CRTC3: variants seen among roughly 807,000 people sequenced by gnomAD.
CRTC3 encodes CREB-regulated transcription coactivator 3.
In CRTC3, 26 loss-of-function variants were observed where a neutral mutation model predicts 74.5. The ratio of observed to expected loss-of-function variants is 0.35; its 90% CI spans 0.26 to 0.48. CRTC3 has a LOEUF of 0.48. Ranked by LOEUF, CRTC3 falls within the 20% of genes least tolerant of loss-of-function variation. The probability of loss-of-function intolerance (pLI) is 0.99; values close to 1 mark genes in which losing one functional copy is unlikely to be tolerated. For missense variants in CRTC3, 760 were observed against 787.3 expected (o/e 0.97, Z 0.41); for synonymous variants, 377 against 325.8 (o/e 1.16, Z -1.69).
intron 9 of CRTC3, chr15:90,624,900 A>T (rs1968777216): frequency 6.6e-6 from 1 of 152,638 alleles, no homozygotes; most frequent in Admixed American, 6.5e-5. Flanking sequence ...TTGGCTGCAT[A>T]GGCTGGGATA....
chr15:90,610,104 A>G (rs765233538), intron 6 of CRTC3, among the ~76,000 whole-genome samples: 2 of 152,236 alleles, frequency 1.3e-5, no homozygotes, highest in Non-Finnish European at 2.9e-5. Flanking sequence ...CTGGAGAATT[A>G]TATTTGTTGG....
At chr15:90,550,255 C>T (rs1203339271) in intron 2 of CRTC3, among the ~76,000 whole-genome samples, 2 of 151,386 alleles carry the variant, frequency 1.3e-5, no homozygotes, top group Non-Finnish European at 2.9e-5. Context: ...ATGGAGAAAC[C>T]CCGTCTCTAC....
chr15:90,551,068 C>A (rs1479571770), intron 2 of CRTC3, among the ~76,000 whole-genome samples: 1 of 152,116 alleles, frequency 6.6e-6, no homozygotes, highest in African/African-American at 2.4e-5. Context: ...TTTCTTCATG[C>A]CATCTGGACA....
rs746359288 is a variant in CRTC3 at position 90,638,833 on chromosome 15, C to T, written c.1548+18C>T. ...CTCAACAGGTGGGTGATCGCCCCTG[C>T]CTTCTCCTCCCTTGGTGCATAAACT... On this transcript the variant is annotated intron_variant, in intron 13 of 14. Coordinates refer to ENST00000268184, the MANE Select transcript of CRTC3 (RefSeq NM_022769.5). 5.0e-6 allele frequency: 8 copies of T among 1,592,330 alleles called. No homozygotes were observed. In the African/African-American group the frequency reaches 9.4e-5, roughly 19 times the overall value.
At chr15:90,626,022 G>T in intron 10 of CRTC3, 29 bp downstream of exon 10, 1 of 1,583,098 alleles carries the variant, frequency 6.3e-7, no homozygotes. Context: ...GCAGTGACCT[G>T]GTGGCTTAAT....
chr15:90,581,857 A>G (rs541303577), intron 2 of CRTC3, among the ~76,000 whole-genome samples: 1 of 152,160 alleles, frequency 6.6e-6, no homozygotes, highest in African/African-American at 2.4e-5. Flanking sequence ...GGGTGAAAGG[A>G]GGGAGTCGGC....
At chr15:90,612,427 T>G (rs1449589576) in intron 6 of CRTC3, among the ~76,000 whole-genome samples, 1 of 151,954 alleles carries the variant, frequency 6.6e-6, no homozygotes, top group Non-Finnish European at 1.5e-5. Context: ...AAGCCTTCCT[T>G]CTGTTCCAGT....
At chr15:90,577,304 G>A (rs1285266679) in intron 2 of CRTC3, among the ~76,000 whole-genome samples, 2 of 152,196 alleles carry the variant, frequency 1.3e-5, no homozygotes, top group East Asian at 1.9e-4. Context: ...GTTCTTTGAG[G>A]ACCAAGTAAT....
rs1050360522 is a variant in CRTC3 at position 90,644,732 on chromosome 15, A to G, written c.*2592A>G. On this transcript the variant is annotated 3_prime_UTR_variant, in exon 15 of 15. Transcript: ENST00000268184. ...ACCACGGGCAGGGTCGCCCTGGCCCACAGCACGTGAGCCTGCACTCACTGC... is the reference window on the plus strand; with the variant it reads ...ACCACGGGCAGGGTCGCCCTGGCCCGCAGCACGTGAGCCTGCACTCACTGC... 7 of 232,574 alleles carry G rather than the reference A, an allele frequency of 3.0e-5. No homozygotes were observed. Among genetic ancestry groups the G allele is most frequent in the African/African-American group, 8.8e-5 (4 of 45,330 alleles). The allele number at this position is 232,574 out of a possible 1,614,324, so 14.4% of individuals were successfully genotyped here.
At chr15:90,607,279 A>T in intron 5 of CRTC3, 99 bp from the exon 6 acceptor site, 1 of 719,620 alleles carries the variant, frequency 1.4e-6, no homozygotes, top group Non-Finnish European at 2.4e-6. Context: ...TAAATCAGTT[A>T]TTCTTGCCTT....
intron 11 of CRTC3, chr15:90,635,026 T>C (rs1969181349): frequency 2.7e-6 from 3 of 1,127,594 alleles, no homozygotes. Context: ...GGAAAGTACA[T>C]AGACTGAAAT....
chr15:90,638,153 A>AACAAAACAAG, intron 11 of CRTC3: 1 of 394,556 alleles, frequency 2.5e-6, no homozygotes, highest in South Asian at 4.1e-5. Flanking sequence ...TATAAAACAA[A>AACAAAACAAG]ACAAAACATG....
In CRTC3 at chr15:90,638,540, T is replaced by TCACCCAGCCCCTCCTGCAGCAGCC. The variant is rs1969322301; in HGVS notation, c.1363_1386dup (p.Thr455_Pro462dup). On this transcript the variant is annotated inframe_insertion, in exon 12 of 15. Coordinates refer to ENST00000268184, the MANE Select transcript of CRTC3 (RefSeq NM_022769.5). ...CCCCCTTACCCTGCACCCCAGGAGCTCACCCAGCCCCTCCTGCAGCAGCCC... is the reference window on the plus strand; with the variant it reads ...CCCCCTTACCCTGCACCCCAGGAGCTCACCCAGCCCCTCCTGCAGCAGCCCACCCAGCCCCTCCTGCAGCAGCCC... The TCACCCAGCCCCTCCTGCAGCAGCC allele has an allele frequency of 6.2e-7, 1 of 1,613,260 alleles. No homozygotes were observed. Among genetic ancestry groups the TCACCCAGCCCCTCCTGCAGCAGCC allele is most frequent in the Non-Finnish European group, 8.5e-7 (1 of 1,179,844 alleles).
chr15:90,601,740 A>G (rs1343667108), intron 3 of CRTC3, among the ~76,000 whole-genome samples: 1 of 152,236 alleles, frequency 6.6e-6, no homozygotes, highest in Non-Finnish European at 1.5e-5. Flanking sequence ...CCCAAGGGCT[A>G]GATCCAAGGG....
chr15:90,589,427 C>T (rs1300429638), intron 2 of CRTC3, among the ~76,000 whole-genome samples: 3 of 151,974 alleles, frequency 2.0e-5, no homozygotes, highest in Admixed American at 6.6e-5. Context: ...TCATAGTTCA[C>T]TGTAGCCTGA....
intron 2 of CRTC3, among the ~76,000 whole-genome samples, chr15:90,553,626 G>T (rs1221541904): frequency 6.6e-6 from 1 of 152,180 alleles, no homozygotes; most frequent in Non-Finnish European, 1.5e-5. Flanking sequence ...AGGAACATCT[G>T]TACCCATGAG....
intron 2 of CRTC3, among the ~76,000 whole-genome samples, chr15:90,566,755 G>A (rs377647930): frequency 2.5e-4 from 37 of 149,028 alleles, no homozygotes; most frequent in African/African-American, 9.2e-4. Context: ...CTGTCGCCCA[G>A]GCTGGAGTGC....
intron 11 of CRTC3, among the ~76,000 whole-genome samples, chr15:90,636,452 C>T (rs1969241013): frequency 6.6e-6 from 1 of 150,568 alleles, no homozygotes; most frequent in Non-Finnish European, 1.5e-5. Flanking sequence ...ACCATAAAAA[C>T]CCTAGAAGAA....
intron 2 of CRTC3, among the ~76,000 whole-genome samples, chr15:90,583,829 CTCTTGAAGTT>C (rs1405945018): frequency 6.6e-6 from 1 of 151,420 alleles, no homozygotes. Flanking sequence ...TTTTGAACTT[CTCTTGAAGTT>C]TCTCTTTTCT....
Sources: allele counts gnomAD v4.1 joint callset (sites outside exome capture counted in the v4.1 genomes callset), GRCh38; gene constraint gnomAD v4.1.1; transcripts MANE v1.5; gene names NCBI Gene and HGNC (gene_info 2026-07-23, HGNC 2026-07-21).